The following AKAP13 variants were observed in gnomAD, a reference collection of about 807,000 sequenced individuals.
The protein encoded by AKAP13 is A-kinase anchoring protein 13, also known as A-kinase anchor protein 13.
A neutral mutation model predicts 264.5 loss-of-function variants in AKAP13; 80 were observed. That is an observed-to-expected ratio of 0.30 (90% CI 0.25 to 0.36). AKAP13 has a LOEUF of 0.36. AKAP13 is among the 10% of genes least tolerant of loss of function. AKAP13 has a pLI of 1.00. For synonymous variants in AKAP13, 1,380 were observed against 1,250.2 expected, an observed-to-expected ratio of 1.10 and a Z score of -2.19; for missense variants, 3,712 against 3,435.2, an observed-to-expected ratio of 1.08 and a Z score of -2.01.
rs567248543 is a variant in AKAP13, at chr15:85,598,604, TG to T, written c.4161+12782del. ...AAATTGAGCCTTTAATCTGCAAATA[TG>T]TACTATTTTGTATGCTGAACGTTGT... On this transcript the variant is annotated intron_variant, in intron 8 of 36. Transcript: ENST00000394518. Among the ~76,000 whole-genome samples, 18 of 152,334 alleles carry T rather than the reference TG, an allele frequency of 1.2e-4. 1 individual carries two copies. Among genetic ancestry groups the T allele is most frequent in the Admixed American group, 7.2e-4 (11 of 15,306 alleles).
chr15:85,725,682 T>C (rs1408723419), intron 26 of AKAP13, among the ~76,000 whole-genome samples: 2 of 152,154 alleles, frequency 1.3e-5, no homozygotes, highest in Non-Finnish European at 2.9e-5. Context: ...AGATGTTACA[T>C]AGGGGCCAAC....
intron 16 of AKAP13, among the ~76,000 whole-genome samples, chr15:85,686,824 G>A (rs1018250297): frequency 6.6e-6 from 1 of 152,176 alleles, no homozygotes; most frequent in South Asian, 2.1e-4. Context: ...ATTCCACTAG[G>A]TGTTAACAGG....
chr15:85,454,648 TA>T (rs953260167), intron 1 of AKAP13, among the ~76,000 whole-genome samples: 3 of 151,748 alleles, frequency 2.0e-5, no homozygotes, highest in African/African-American at 4.8e-5. Flanking sequence ...TTAAACTGTT[TA>T]AAAAAAAATC....
intron 36 of AKAP13, 163 bp from the exon 37 acceptor site, chr15:85,744,465 T>A: frequency 1.4e-6 from 1 of 730,064 alleles, no homozygotes; most frequent in Non-Finnish European, 2.4e-6. Flanking sequence ...CTTAAGAACC[T>A]TATTAACCAA....
chr15:85,524,280 C>G (rs767821561), intron 3 of AKAP13, among the ~76,000 whole-genome samples: 2 of 148,296 alleles, frequency 1.3e-5, no homozygotes, highest in African/African-American at 5.0e-5. Flanking sequence ...TGGGTTCAAG[C>G]AGTTCTCCTG....
chr15:85,420,180 A>G (rs2072457328), intron 1 of AKAP13, among the ~76,000 whole-genome samples: 1 of 151,278 alleles, frequency 6.6e-6, no homozygotes, highest in Admixed American at 6.6e-5. Context: ...TGACCTCGTG[A>G]TCCGCCCGCC....
At chr15:85,574,326 T>C (rs2078936109) in intron 5 of AKAP13, among the ~76,000 whole-genome samples, 1 of 152,224 alleles carries the variant, frequency 6.6e-6, no homozygotes, top group Non-Finnish European at 1.5e-5. Context: ...TTATGTGTGG[T>C]ATCACAGCAG....
intron 2 of AKAP13, among the ~76,000 whole-genome samples, chr15:85,513,141 A>G (rs774546669): frequency 5.9e-5 from 9 of 152,158 alleles, no homozygotes; most frequent in Non-Finnish European, 1.0e-4. Flanking sequence ...GTTTAGTGAT[A>G]AAAACGTCTG....
At chr15:85,454,661 T>TA (rs2074222513) in intron 1 of AKAP13, among the ~76,000 whole-genome samples, 1 of 152,178 alleles carries the variant, frequency 6.6e-6, no homozygotes, top group African/African-American at 2.4e-5. Flanking sequence ...AAAAAAATCT[T>TA]ATCGTGATGT....
intron 2 of AKAP13, among the ~76,000 whole-genome samples, chr15:85,497,574 T>C (rs1434332787): frequency 2.6e-5 from 4 of 152,174 alleles, no homozygotes; most frequent in African/African-American, 4.8e-5. Context: ...GCAGTTCACA[T>C]TGAAGGATAC....
At chr15:85,432,979 G>A (rs1471130662) in intron 1 of AKAP13, among the ~76,000 whole-genome samples, 1 of 151,800 alleles carries the variant, frequency 6.6e-6, no homozygotes, top group African/African-American at 2.4e-5. Flanking sequence ...CCATTACCTT[G>A]AGATACTTAA....
chr15:85,739,573 A>G (rs190435250), intron 33 of AKAP13, among the ~76,000 whole-genome samples: 12 of 152,210 alleles, frequency 7.9e-5, no homozygotes, highest in African/African-American at 2.6e-4. Flanking sequence ...ATTTTTACAT[A>G]GAAATTTTTG....
intron 8 of AKAP13, among the ~76,000 whole-genome samples, chr15:85,590,288 G>A (rs1012180179): frequency 6.6e-6 from 1 of 152,158 alleles, no homozygotes; most frequent in South Asian, 2.1e-4. Flanking sequence ...AATTCTTATG[G>A]AAGTTTTGTA....
chr15:85,664,752 G>T lies in AKAP13; in HGVS notation c.4989G>T (p.Gln1663His). 6.2e-7 allele frequency: 1 copy of T among 1,610,996 alleles called. No individual in the cohort carries two copies. The highest frequency in any genetic ancestry group is 8.5e-7 in the Non-Finnish European group (1 of 1,178,818). ...SDQREHRMFDQQICHRSKQQG... is the reference protein window; with the variant it reads ...SDQREHRMFDHQICHRSKQQG... ...AGAGAGAACATAGGATGTTTGATCA[G>T]CAGGTAAGTCTTAAATATGTCTAAT... The change falls in exon 13 of 37, where the codon CAG becomes CAT. Residue 1663 changes from glutamine (Q) to histidine (H), a missense_variant. Gln to His is a conservative substitution (Grantham distance 24). Around this residue, in one of 3 missense-constraint regions of AKAP13, gnomAD observed 2,759 missense variants for 2,411.7 expected, o/e 1.14. Transcript: ENST00000394518.
Position 85,581,430 on chromosome 15 carries a change from T to G in AKAP13, c.3362T>G (p.Leu1121Trp). 6.2e-7 allele frequency: 1 copy of G among 1,614,164 alleles called. No individual in the cohort carries two copies. Residue 1121 changes from leucine to tryptophan, a missense_variant, in exon 7 of 37, where the codon TTG becomes TGG. Transcript: ENST00000394518. ...NTQDILIPNV[L>W]LSQEKNAVLG... is the part of the protein sequence containing the mutation. ...CAAGACATCCTGATTCCAAACGTCT[T>G]GTTGAGCCAAGAGAAGAATGCCGTT...
rs569997234 is a variant in AKAP13 at position 85,551,185 on chromosome 15, T to G, written c.662+7230T>G. Among the ~76,000 whole-genome samples the G allele has an allele frequency of 2.0e-5, 3 of 152,336 alleles. No homozygotes were observed. The East Asian group carries it at 5.8e-4, about 29-fold the overall frequency. On this transcript the variant is annotated intron_variant, in intron 5 of 36. Transcript: ENST00000394518. The stretch of plus-strand genomic sequence containing the variant: ...AGTGCCTTTTTTTCCCCCTAAGTTT[T>G]CAGCTGGACAACTTTAAGCATTTTG...
chr15:85,540,500 G>C (rs1052188159), intron 4 of AKAP13, among the ~76,000 whole-genome samples: 1 of 152,162 alleles, frequency 6.6e-6, no homozygotes, highest in Non-Finnish European at 1.5e-5. Context: ...AATTCACACT[G>C]GGGACAAAGG....
intron 8 of AKAP13, among the ~76,000 whole-genome samples, chr15:85,613,713 T>TATATATATGTGTGTATATA (rs1254657975): frequency 9.0e-6 from 1 of 110,988 alleles, no homozygotes; most frequent in African/African-American, 3.4e-5. Context: ...TATATATATA[T>TATATATATGTGTGTATATA]TAGGAGTGCT....
intron 1 of AKAP13, among the ~76,000 whole-genome samples, chr15:85,461,359 G>C (rs949983686): frequency 6.6e-6 from 1 of 152,094 alleles, no homozygotes; most frequent in South Asian, 2.1e-4. Flanking sequence ...CAGGTGATCT[G>C]CCCGCCTCGG....
Sources: gnomAD v4.1 joint callset for allele counts (sites outside exome capture counted in the v4.1 genomes callset) on GRCh38, gnomAD v4.1.1 for gene constraint, gnomAD v4.1.1 regional missense constraint, MANE v1.5 for transcripts, NCBI Gene and HGNC (gene_info 2026-07-23, HGNC 2026-07-21) for gene names.